Variants in CXADR observed in about 807,000 individuals in gnomAD.
CXADR encodes the protein CXADR cell adhesion molecule, also known as coxsackievirus and adenovirus receptor.
Under a neutral mutation model 40.3 loss-of-function variants are expected in CXADR, and 20 were observed. The ratio of observed to expected loss-of-function variants is 0.50; its 90% CI spans 0.35 to 0.72. The LOEUF is 0.72. Ranked by LOEUF, CXADR falls within the 30% of genes least tolerant of loss-of-function variation. The pLI is 0.01. For missense variants in CXADR, 332 were observed against 449.1 expected (o/e 0.74, Z 2.36); for synonymous variants, 150 against 161.3 (o/e 0.93, Z 0.53).
chr21:17,581,154 A>G (rs763106133), intron 7 of CXADR, among the ~76,000 whole-genome samples: 7 of 152,204 alleles, frequency 4.6e-5, no homozygotes, highest in East Asian at 1.9e-4. Flanking sequence ...CCAAAACTGT[A>G]TAGTGTTACA....
chr21:17,554,335 C>T (rs764657), intron 3 of CXADR, among the ~76,000 whole-genome samples: 72,361 of 152,048 alleles, frequency 0.48, 20,746 homozygotes, highest in Non-Finnish European at 0.63. Flanking sequence ...TGGCAGGAGC[C>T]GTGACTGCCC....
At chr21:17,597,219 A>C (rs1205698968), downstream of CXADR, among the ~76,000 whole-genome samples, 1 of 152,096 alleles carries the variant, frequency 6.6e-6, no homozygotes, top group African/African-American at 2.4e-5. Context: ...GAAATCCTAA[A>C]AATTAAAGGT....
At chr21:17,605,295 T>G in the CXADR span, among the ~76,000 whole-genome samples, 2 of 152,166 alleles carry the variant, frequency 1.3e-5, no homozygotes, top group Non-Finnish European at 2.9e-5. Context: ...GTATGAAAGT[T>G]GCACGAAATT....
chr21:17,628,033 G>A, the CXADR span, among the ~76,000 whole-genome samples: 1 of 151,872 alleles, frequency 6.6e-6, no homozygotes, highest in Admixed American at 6.6e-5. Flanking sequence ...TTTTCTCAAA[G>A]CCCAACTTTT....
chr21:17,601,516 CCTCT>C, the CXADR span, among the ~76,000 whole-genome samples: 1 of 152,082 alleles, frequency 6.6e-6, no homozygotes, highest in Admixed American at 6.6e-5. Context: ...ACAGCAAGAC[CCTCT>C]CTCTAAAACA....
intron 5 of CXADR, among the ~76,000 whole-genome samples, 182 bp downstream of exon 5, chr21:17,561,006 A>G (rs146442666): frequency 1.4e-4 from 22 of 152,312 alleles, no homozygotes; most frequent in African/African-American, 5.3e-4. Flanking sequence ...AATTGCAATG[A>G]TATATTAAGA....
chr21:17,610,277 T>C, the CXADR span, among the ~76,000 whole-genome samples: 3 of 152,230 alleles, frequency 2.0e-5, no homozygotes, highest in Non-Finnish European at 2.9e-5. Flanking sequence ...TTTGTGAATA[T>C]ACTAAAACCA....
the CXADR span, among the ~76,000 whole-genome samples, chr21:17,610,021 TACA>T: frequency 6.6e-6 from 1 of 152,354 alleles, no homozygotes; most frequent in South Asian, 2.1e-4. Flanking sequence ...TAATATAAGC[TACA>T]ACATGGGTGA....
intron 1 of CXADR, chr21:17,542,021 A>C (rs1162632950): frequency 5.4e-6 from 2 of 367,114 alleles, no homozygotes; most frequent in Non-Finnish European, 1.1e-5. Flanking sequence ...TGAAACAATT[A>C]TTACTCTGTT....
the CXADR span, among the ~76,000 whole-genome samples, chr21:17,619,587 G>A: frequency 2.4e-5 from 3 of 123,188 alleles, no homozygotes; most frequent in African/African-American, 7.3e-5. Context: ...TCAGAGCAAG[G>A]CTCTGTTTCA....
chr21:17,546,675 C>T (rs1346149766), intron 1 of CXADR, among the ~76,000 whole-genome samples: 1 of 152,194 alleles, frequency 6.6e-6, no homozygotes, highest in African/African-American at 2.4e-5. Flanking sequence ...TGGGCGGGGT[C>T]ACAAATCCAA....
At chr21:17,619,086 G>A in the CXADR span, among the ~76,000 whole-genome samples, 1 of 152,218 alleles carries the variant, frequency 6.6e-6, no homozygotes, top group Non-Finnish European at 1.5e-5. Flanking sequence ...CAGATGTGCT[G>A]TCATCTAGGC....
At chr21:17,629,912 G>A in the CXADR span, among the ~76,000 whole-genome samples, 2 of 152,188 alleles carry the variant, frequency 1.3e-5, no homozygotes, top group Non-Finnish European at 2.9e-5. Flanking sequence ...ACGTTACAGG[G>A]AAAATAGTTT....
the CXADR span, among the ~76,000 whole-genome samples, chr21:17,620,831 G>A: frequency 1.3e-5 from 2 of 152,116 alleles, no homozygotes; most frequent in South Asian, 4.1e-4. Flanking sequence ...AAAAAAGACA[G>A]AGAGGAGAGA....
rs547533540 is a variant in CXADR at position 17,518,953 on chromosome 21, C to T, written c.43+5781C>T. 4.8e-5 allele frequency: 77 copies of T among 1,609,016 alleles called. No individual in the cohort carries two copies. In the African/African-American group the frequency reaches 6.1e-4, roughly 13 times the overall value. On this transcript the variant is annotated intron_variant, in intron 1 of 6. Coordinates refer to ENST00000284878, the MANE Select transcript of CXADR (RefSeq NM_001338.5). ...GCGAGCTGTACCCTTGCCCCCTATCCGGACCTGAGCCTGAAGTTTGGCTAA... is the reference window on the plus strand; with the variant it reads ...GCGAGCTGTACCCTTGCCCCCTATCTGGACCTGAGCCTGAAGTTTGGCTAA...
intron 3 of CXADR, among the ~76,000 whole-genome samples, chr21:17,552,905 A>G (rs1294391889): frequency 2.0e-5 from 3 of 152,110 alleles, no homozygotes; most frequent in African/African-American, 7.2e-5. Context: ...AATACTCTTT[A>G]TTTTAATTTT....
chr21:17,561,610 A>C (rs951391329), intron 6 of CXADR, 134 bp downstream of exon 6: 2 of 693,614 alleles, frequency 2.9e-6, no homozygotes, highest in Admixed American at 7.3e-5. Flanking sequence ...CCTTCTCAAT[A>C]CATTTGAAAG....
At chr21:17,538,018 T>C (rs2123205291) in intron 1 of CXADR, among the ~76,000 whole-genome samples, 1 of 151,924 alleles carries the variant, frequency 6.6e-6, no homozygotes, top group East Asian at 1.9e-4. Flanking sequence ...TTTTTTCTTT[T>C]TAAGATGGAG....
downstream of CXADR, among the ~76,000 whole-genome samples, chr21:17,573,165 A>G (rs760804678): frequency 2.0e-5 from 3 of 151,940 alleles, no homozygotes; most frequent in Non-Finnish European, 4.4e-5. Context: ...CCCTCTATGC[A>G]TGTCTACCAC....
Sources: gnomAD v4.1 joint callset for allele counts (sites outside exome capture counted in the v4.1 genomes callset) on GRCh38, gnomAD v4.1.1 for gene constraint, MANE v1.5 for transcripts, NCBI Gene and HGNC (gene_info 2026-07-23, HGNC 2026-07-21) for gene names.